The following TRPA1 variants were observed in gnomAD, a reference collection of about 807,000 sequenced individuals.
The protein encoded by TRPA1 is transient receptor potential cation channel subfamily A member 1, also known as ankyrin-like with transmembrane domains 1.
In TRPA1, 129 loss-of-function variants were observed where a neutral mutation model predicts 131.3. The ratio of observed to expected loss-of-function variants is 0.98; its 90% confidence interval spans 0.85 to 1.14. The LOEUF (loss-of-function observed/expected upper bound fraction) is 1.14. Among genes scored for constraint, TRPA1 ranks in the 50% most tolerant of loss-of-function variants. TRPA1 has a pLI of 0.00. For missense variants in TRPA1, 1,304 were observed against 1,354.2 expected (o/e 0.96, Z 0.58); for synonymous variants, 441 against 451.7 (o/e 0.98, Z 0.30).
the TRPA1 span, among the ~76,000 whole-genome samples, chr8:72,084,610 T>C: frequency 0.88 from 131,223 of 148,516 alleles, 58,160 homozygotes; most frequent in African/African-American, 0.94. Flanking sequence ...TTATTTTGTC[T>C]GTTTTAAATT....
At chr8:72,040,924 G>A (rs995848738) in intron 17 of TRPA1, among the ~76,000 whole-genome samples, 3 of 151,934 alleles carry the variant, frequency 2.0e-5, no homozygotes, top group African/African-American at 2.4e-5. Context: ...AAAATACAAC[G>A]GTTGATTGAA....
At chr8:72,024,685 T>A (rs1585830018) in intron 25 of TRPA1, among the ~76,000 whole-genome samples, 1 of 152,172 alleles carries the variant, frequency 6.6e-6, no homozygotes, top group Non-Finnish European at 1.5e-5. Context: ...ACCTGCTGAA[T>A]GTGAGGCACC....
Position 72,061,494 on chromosome 8 carries a change from T to G in TRPA1, c.944+131A>C, listed in dbSNP as rs188180670. ...CGATTCCGGTTGATCCACAGGGTCT[T>G]TGTTATCTTTGCCCTTTTCCTTTGA... On this transcript the variant is annotated intron_variant, in intron 7 of 26. Coordinates refer to ENST00000262209, the MANE Select transcript of TRPA1 (RefSeq NM_007332.3). 39 of 1,032,792 alleles carry G rather than the reference T, an allele frequency of 3.8e-5. No individual in the cohort carries two copies. In the African/African-American group the frequency reaches 5.5e-4, roughly 15 times the overall value. 64.0% of individuals were successfully genotyped at this position (1,032,792 alleles called of 1,614,324 possible).
chr8:72,036,137 C>G, intron 21 of TRPA1, 151 bp downstream of exon 21: 1 of 752,764 alleles, frequency 1.3e-6, no homozygotes, highest in South Asian at 1.9e-5. Context: ...CATGCTCCAG[C>G]CTTTCCTTAA....
intron 3 of TRPA1, 80 bp downstream of exon 3, chr8:72,068,943 G>C (rs1805990591): frequency 6.8e-7 from 1 of 1,467,866 alleles, no homozygotes; most frequent in Non-Finnish European, 9.5e-7. Flanking sequence ...GCTCATCCTG[G>C]TGCAAGCAGA....
chr8:72,054,850 A>G (rs1254171031), intron 12 of TRPA1: 2 of 152,410 alleles, frequency 1.3e-5, no homozygotes, highest in African/African-American at 4.8e-5. Flanking sequence ...TTTCTTTCTT[A>G]TCACAATATC....
chr8:72,057,950 T>C (rs1805714741), intron 8 of TRPA1, 134 bp from the exon 9 acceptor site: 1 of 673,500 alleles, frequency 1.5e-6, no homozygotes, highest in African/African-American at 1.8e-5. Flanking sequence ...TACGACTAGT[T>C]ATAGAATTAT....
intron 26 of TRPA1, chr8:72,023,467 G>C (rs10089776): frequency 0.51 from 222,271 of 434,936 alleles, 58,266 homozygotes; most frequent in East Asian, 0.8. Context: ...CATGCTTAAT[G>C]ACTGCCCACC....
At chr8:72,078,054 T>C (rs1019433383), upstream of TRPA1, among the ~76,000 whole-genome samples, 3 of 151,724 alleles carry the variant, frequency 2.0e-5, no homozygotes, top group South Asian at 2.1e-4. Context: ...TATAGTTATA[T>C]GCACATATTG....
At chr8:72,039,663 T>C (rs1812178845) in intron 18 of TRPA1, 64 bp downstream of exon 18, 2 of 1,046,750 alleles carry the variant, frequency 1.9e-6, no homozygotes, top group South Asian at 1.3e-5. Context: ...TATAATTGTT[T>C]TGAAGGCTTT....
At chr8:72,059,178 G>C (rs993131244) in intron 8 of TRPA1, among the ~76,000 whole-genome samples, 1 of 152,146 alleles carries the variant, frequency 6.6e-6, no homozygotes. Flanking sequence ...TCCAAATTAC[G>C]CTTTGACACT....
intron 16 of TRPA1, among the ~76,000 whole-genome samples, chr8:72,046,835 T>G (rs1422356926): frequency 1.3e-5 from 2 of 152,058 alleles, no homozygotes; most frequent in African/African-American, 4.8e-5. Context: ...TTGTATCTCA[T>G]AGGCATGGAA....
At chr8:72,061,603 G>A in intron 7 of TRPA1, 22 bp downstream of exon 7, 1 of 1,613,568 alleles carries the variant, frequency 6.2e-7, no homozygotes, top group Non-Finnish European at 8.5e-7. Flanking sequence ...TCTGTATACA[G>A]AATGATAGGT....
At chr8:72,070,257 T>C (rs1368954904) in intron 2 of TRPA1, among the ~76,000 whole-genome samples, 1 of 152,086 alleles carries the variant, frequency 6.6e-6, no homozygotes, top group East Asian at 1.9e-4. Context: ...TGTTTTCTGT[T>C]TCTCTCCTTT....
intron 13 of TRPA1, 93 bp from the exon 14 acceptor site, chr8:72,052,858 AT>A: frequency 7.1e-7 from 1 of 1,418,328 alleles, no homozygotes; most frequent in South Asian, 1.2e-5. Context: ...TAGCGACACT[AT>A]TTAATACCAA....
chr8:72,023,732 A>G, intron 26 of TRPA1, 82 bp downstream of exon 26: 4 of 859,522 alleles, frequency 4.7e-6, no homozygotes, highest in Non-Finnish European at 7.7e-6. Context: ...AAAAACATCA[A>G]TATAAAATAT....
rs1055281818 is a variant in TRPA1 at position 72,036,332 on chromosome 8, A to G, written c.2511T>C (p.Ile837=). Residue 837 remains isoleucine (I), a synonymous_variant, in exon 21 of 27, where the codon ATT becomes ATC. Transcript: ENST00000262209. ...PAHLQWQCGA[I]AVYFYWMNFL... ...AATTCATCCAATAGAAGTAAACAGC[A>G]ATTGCTCCACATTGCCACTGCAGAT... 1.9e-6 allele frequency: 3 copies of G among 1,614,066 alleles called. No homozygotes were observed. In the African/African-American group the frequency reaches 4.0e-5, roughly 22 times the overall value.
intron 3 of TRPA1, among the ~76,000 whole-genome samples, chr8:72,065,967 G>C (rs1013552819): frequency 1.3e-5 from 2 of 152,120 alleles, no homozygotes; most frequent in Non-Finnish European, 2.9e-5. Context: ...AGAAGGAAGA[G>C]AGTAAAAGAG....
chr8:72,031,569 T>G (rs1344054749), intron 23 of TRPA1, among the ~76,000 whole-genome samples: 4 of 147,504 alleles, frequency 2.7e-5, no homozygotes, highest in Non-Finnish European at 6.0e-5. Flanking sequence ...CAGAATGAGA[T>G]CCTATCTCAA....
Sources: gnomAD v4.1 joint callset for allele counts (sites outside exome capture counted in the v4.1 genomes callset) on GRCh38, gnomAD v4.1.1 for gene constraint, MANE v1.5 for transcripts, NCBI Gene and HGNC (gene_info 2026-07-23, HGNC 2026-07-21) for gene names.